LPIN2: variants seen among roughly 807,000 people sequenced by gnomAD.
The protein encoded by LPIN2 is lipin 2.
Under a neutral mutation model 111.4 loss-of-function variants are expected in LPIN2, and 55 were observed. That is an observed-to-expected ratio of 0.49 (90% confidence interval 0.40 to 0.62). The LOEUF (loss-of-function observed/expected upper bound fraction) is 0.62, where lower values mean the gene tolerates loss of function less well. LPIN2 is among the 20% of genes least tolerant of loss of function. The pLI, the probability that LPIN2 is intolerant of heterozygous loss-of-function variation, is 0.00. For synonymous variants in LPIN2, 425 were observed against 414.0 expected (o/e 1.03, Z -0.32); for missense variants, 992 against 1,112.1 (o/e 0.89, Z 1.54).
chr18:2,967,634 A>ATT (rs1307841689), intron 1 of LPIN2: 1 of 152,194 alleles, frequency 6.6e-6, no homozygotes, highest in Non-Finnish European at 1.5e-5. Flanking sequence ...AGCTAGACAG[A>ATT]AGAAAGGAAG....
At chr18:2,937,051 T>C (rs1174299034) in intron 7 of LPIN2, among the ~76,000 whole-genome samples, 1 of 152,238 alleles carries the variant, frequency 6.6e-6, no homozygotes, top group Admixed American at 6.5e-5. Flanking sequence ...TTTAAGATTC[T>C]ACTTCACTTT....
intron 16 of LPIN2, among the ~76,000 whole-genome samples, chr18:2,923,420 CAAAAAAAAAA>C (rs869052239): frequency 1.5e-4 from 4 of 26,596 alleles, no homozygotes; most frequent in Admixed American, 5.7e-4. Context: ...AACTCCATCT[CAAAAAAAAAA>C]AAAAAAAAAA....
At chr18:2,958,980 C>A (rs930147391) in intron 2 of LPIN2, among the ~76,000 whole-genome samples, 6 of 151,856 alleles carry the variant, frequency 4.0e-5, no homozygotes, top group African/African-American at 1.5e-4. Flanking sequence ...TACAATAGAT[C>A]CATACACAAC....
At chr18:2,966,651 A>T (rs1185388103) in intron 1 of LPIN2, among the ~76,000 whole-genome samples, 2 of 152,226 alleles carry the variant, frequency 1.3e-5, no homozygotes, top group Admixed American at 6.5e-5. Context: ...TGCTTTCAGC[A>T]ATCTGAGTAT....
chr18:2,954,298 A>G (rs2077578509), intron 3 of LPIN2, among the ~76,000 whole-genome samples: 1 of 152,212 alleles, frequency 6.6e-6, no homozygotes, highest in African/African-American at 2.4e-5. Flanking sequence ...TGCTCCCTGC[A>G]CCCTGAAACT....
intron 1 of LPIN2, among the ~76,000 whole-genome samples, chr18:3,001,844 G>GTT (rs2078439975): frequency 6.6e-6 from 1 of 152,136 alleles, no homozygotes; most frequent in African/African-American, 2.4e-5. Flanking sequence ...ATGTGATATA[G>GTT]CCTAATGAAT....
chr18:3,001,371 A>G (rs1366798469), intron 1 of LPIN2, among the ~76,000 whole-genome samples: 1 of 151,812 alleles, frequency 6.6e-6, no homozygotes, highest in Non-Finnish European at 1.5e-5. Flanking sequence ...TAAGAAATGT[A>G]AACCAATAAA....
intron 3 of LPIN2, among the ~76,000 whole-genome samples, chr18:2,953,281 G>A (rs868168388): frequency 1.3e-5 from 2 of 152,024 alleles, no homozygotes; most frequent in African/African-American, 2.4e-5. Context: ...CAGTCCTCTC[G>A]CTTACGGTGC....
intron 4 of LPIN2, among the ~76,000 whole-genome samples, chr18:2,947,941 C>T (rs921664972): frequency 4.6e-5 from 7 of 152,234 alleles, no homozygotes; most frequent in East Asian, 3.9e-4. Flanking sequence ...AAGGCCCCTT[C>T]GACCCTCTCA....
At position 2,942,799 on chromosome 18, in the gene LPIN2, G is replaced by C. The variant is rs140326781; in HGVS notation, c.591-2087C>G. 1.2e-3 allele frequency among the ~76,000 whole-genome samples: 187 copies of C among 152,352 alleles called. 1 individual carries two copies. The highest frequency in any genetic ancestry group is 4.4e-3 in the African/African-American group (181 of 41,586). On this transcript the variant is annotated intron_variant, in intron 4 of 19. Coordinates refer to ENST00000677752, the MANE Select transcript of LPIN2 (RefSeq NM_001375808.2). ...CTTTCAAAATGGCAGGTATGCCTTA[G>C]AACAGGGACCTGCAAGGCAAACCAT...
At chr18:3,002,904 T>C (rs1226064018) in intron 1 of LPIN2, among the ~76,000 whole-genome samples, 5 of 152,224 alleles carry the variant, frequency 3.3e-5, no homozygotes, top group African/African-American at 9.6e-5. Context: ...TTGATTCCTC[T>C]ATGACACTAT....
Position 2,960,688 on chromosome 18 carries a change from C to A in LPIN2, c.153G>T (p.Arg51=). The change falls in exon 2 of 20, where the codon CGG becomes CGT. Residue 51 remains arginine (R), a synonymous_variant. Coordinates refer to ENST00000677752, the MANE Select transcript of LPIN2 (RefSeq NM_001375808.2). ...GSYQCSPFHV[R]FGKLGVLRSK... ...ATCTCAGGACTCCCAGCTTTCCAAA[C>A]CGAACGTGAAAAGGTGAACACTGAT... 1.2e-6 allele frequency: 2 copies of A among 1,614,060 alleles called. No homozygotes were observed. Among genetic ancestry groups the A allele is most frequent in the Non-Finnish European group, 1.7e-6 (2 of 1,180,010 alleles).
At chr18:2,946,864 C>T (rs1252695557) in intron 4 of LPIN2, 1 of 332,220 alleles carries the variant, frequency 3.0e-6, no homozygotes, top group African/African-American at 2.2e-5. Flanking sequence ...CTAATGATCT[C>T]AGCTGGCATT....
At chr18:3,000,052 GA>G (rs1388811339) in intron 1 of LPIN2, among the ~76,000 whole-genome samples, 2 of 142,394 alleles carry the variant, frequency 1.4e-5, no homozygotes, top group Admixed American at 7.1e-5. Flanking sequence ...CTTTTAAAAA[GA>G]AGAAGAGGAG....
intron 1 of LPIN2, chr18:2,982,918 A>G (rs80169363): frequency 8.4e-6 from 3 of 356,194 alleles, no homozygotes; most frequent in East Asian, 1.5e-4. Flanking sequence ...AAAAAAAAAA[A>G]GCAATGCATA....
At chr18:2,934,520 C>T (rs1219976987) in intron 7 of LPIN2, 70 bp from the exon 8 acceptor site, 6 of 952,226 alleles carry the variant, frequency 6.3e-6, no homozygotes, top group South Asian at 2.6e-5. Context: ...AACACACGCA[C>T]GTTTGCAAAC....
chr18:3,001,587 G>A lies in LPIN2; in HGVS notation c.-10+11500C>T, dbSNP rs781577153. Among the ~76,000 whole-genome samples, 14 of 151,732 alleles carry A rather than the reference G, an allele frequency of 9.2e-5. 1 individual carries two copies. Among genetic ancestry groups the A allele is most frequent in the Admixed American group, 1.3e-4 (2 of 15,176 alleles). ...AAGAGATGAACCTTCATCTTGCAGC[G>A]TAGGAAATCAATAGAGAAGGTCTAA... On this transcript the variant is annotated intron_variant, in intron 1 of 19. Transcript: ENST00000677752.
Position 3,013,104 on chromosome 18 carries a change from C to G in LPIN2, c.-27G>C, listed in dbSNP as rs2078634666. 1 of 150,754 alleles carries G rather than the reference C, an allele frequency of 6.6e-6. No individual in the cohort carries two copies. The highest frequency in any genetic ancestry group is 6.6e-5 in the Admixed American group (1 of 15,158). 9.3% of individuals were successfully genotyped at this position (150,754 alleles called of 1,614,324 possible). A position where few individuals can be genotyped will look rare whatever the true frequency, so the allele number is the denominator to read the frequency against. ...CCACTTACCCACAGGGGCTCCGCTC[C>G]CGGCCAGCGGGCGGCTGAGGGCAGG... On this transcript the variant is annotated 5_prime_UTR_variant, in exon 1 of 20. Transcript: ENST00000677752.
At chr18:2,944,011 T>C (rs2077406510) in intron 4 of LPIN2, among the ~76,000 whole-genome samples, 1 of 152,198 alleles carries the variant, frequency 6.6e-6, no homozygotes, top group African/African-American at 2.4e-5. Context: ...AATAAACCCC[T>C]TTTAATTTTA....
Sources: allele counts gnomAD v4.1 joint callset (sites outside exome capture counted in the v4.1 genomes callset), GRCh38; gene constraint gnomAD v4.1.1; transcripts MANE v1.5; gene names NCBI Gene and HGNC (gene_info 2026-07-23, HGNC 2026-07-21).